Variants in GRIK1 observed in about 807,000 individuals in gnomAD.
The protein encoded by GRIK1 is glutamate ionotropic receptor kainate type subunit 1.
A neutral mutation model predicts 105.7 loss-of-function variants in GRIK1; 69 were observed. The observed-to-expected ratio is 0.65, with a 90% CI of 0.54 to 0.80. The LOEUF is 0.80. Among genes scored for constraint, GRIK1 ranks in the 30% least tolerant of loss-of-function variants. The pLI is 0.00. For missense variants in GRIK1, 1,109 were observed against 1,167.3 expected, an observed-to-expected ratio of 0.95 and a Z score of 0.73; for synonymous variants, 438 against 431.3, an observed-to-expected ratio of 1.02 and a Z score of -0.19.
intron 1 of GRIK1, among the ~76,000 whole-genome samples, chr21:29,933,824 C>T (rs766334293): frequency 3.3e-5 from 5 of 152,136 alleles, no homozygotes; most frequent in Non-Finnish European, 7.4e-5. Context: ...TATGAATCCC[C>T]TTCTCCCTGA....
At chr21:29,880,299 A>T (rs1246585247) in intron 1 of GRIK1, among the ~76,000 whole-genome samples, 4 of 152,100 alleles carry the variant, frequency 2.6e-5, no homozygotes, top group Non-Finnish European at 5.9e-5. Flanking sequence ...AACTCATTTC[A>T]TGTTTCTTTG....
At chr21:29,847,542 C>G (rs1392008517) in intron 1 of GRIK1, among the ~76,000 whole-genome samples, 4 of 152,132 alleles carry the variant, frequency 2.6e-5, no homozygotes, top group Non-Finnish European at 5.9e-5. Flanking sequence ...TGCAGTGAGC[C>G]AAGATTGGGC....
intron 1 of GRIK1, among the ~76,000 whole-genome samples, chr21:29,911,479 G>A (rs757966695): frequency 3.9e-5 from 6 of 152,062 alleles, no homozygotes; most frequent in Non-Finnish European, 8.8e-5. Context: ...ATGTTATTGA[G>A]ATAATTGAGG....
Position 29,587,286 on chromosome 21 carries a change from A to G in GRIK1, c.1793+80T>C, listed in dbSNP as rs1044194496. The G allele has an allele frequency of 1.1e-5, 9 of 817,210 alleles. No individual in the cohort carries two copies. The African/African-American group carries it at 1.5e-4, about 14-fold the overall frequency. 50.6% of individuals were successfully genotyped at this position (817,210 alleles called of 1,614,324 possible). On this transcript the variant is annotated intron_variant, in intron 12 of 17. Transcript: ENST00000327783. ...ACTAAAAGTACACTTTAAAGTTCCT[A>G]ATTTTTGTCTGCCTCTGGGACATAC...
intron 13 of GRIK1, among the ~76,000 whole-genome samples, chr21:29,579,963 G>GTA (rs1386008921): frequency 0.017 from 2,055 of 122,724 alleles, 28 homozygotes; most frequent in East Asian, 0.049. Flanking sequence ...ATATGTGTGT[G>GTA]TGTATATATA....
intron 1 of GRIK1, among the ~76,000 whole-genome samples, chr21:29,761,910 C>A (rs2065534811): frequency 6.6e-6 from 1 of 152,158 alleles, no homozygotes; most frequent in African/African-American, 2.4e-5. Context: ...CCATGCCTGG[C>A]TAATTTTTTG....
At chr21:29,850,120 CATG>C (rs1427660813) in intron 1 of GRIK1, among the ~76,000 whole-genome samples, 1 of 152,184 alleles carries the variant, frequency 6.6e-6, no homozygotes, top group Admixed American at 6.6e-5. Flanking sequence ...TCAGAAGGAT[CATG>C]ATATCTTCCT....
At chr21:29,831,500 G>T (rs1454166901) in intron 1 of GRIK1, among the ~76,000 whole-genome samples, 1 of 152,188 alleles carries the variant, frequency 6.6e-6, no homozygotes, top group African/African-American at 2.4e-5. Flanking sequence ...AGAAAGCATG[G>T]CTGGGGAAGC....
intron 1 of GRIK1, among the ~76,000 whole-genome samples, chr21:29,868,216 C>G (rs1291858241): frequency 1.3e-5 from 2 of 152,172 alleles, no homozygotes; most frequent in Non-Finnish European, 2.9e-5. Flanking sequence ...CAGTGAACAT[C>G]GATGTTTTCC....
intron 5 of GRIK1, among the ~76,000 whole-genome samples, chr21:29,652,173 T>C (rs1410262484): frequency 6.6e-6 from 1 of 152,190 alleles, no homozygotes; most frequent in Non-Finnish European, 1.5e-5. Flanking sequence ...ATTTTACAGA[T>C]GAAGAAACTG....
chr21:29,873,542 C>T (rs1407645058), intron 1 of GRIK1, among the ~76,000 whole-genome samples: 1 of 152,174 alleles, frequency 6.6e-6, no homozygotes, highest in South Asian at 2.1e-4. Context: ...CTCTTGGTTT[C>T]CGGCACAAAG....
At chr21:29,670,529 G>A (rs182549821) in intron 4 of GRIK1, among the ~76,000 whole-genome samples, 6 of 152,188 alleles carry the variant, frequency 3.9e-5, no homozygotes, top group Admixed American at 1.3e-4. Context: ...GCCCTTCCCT[G>A]CCGCCACCAT....
chr21:29,936,036 C>T (rs916265617), intron 1 of GRIK1, among the ~76,000 whole-genome samples: 3 of 152,174 alleles, frequency 2.0e-5, no homozygotes, highest in African/African-American at 4.8e-5. Flanking sequence ...GTGAGGTTTG[C>T]AATAGTTTTA....
At chr21:29,908,578 A>C (rs1353533217) in intron 1 of GRIK1, among the ~76,000 whole-genome samples, 1 of 152,152 alleles carries the variant, frequency 6.6e-6, no homozygotes, top group Admixed American at 6.6e-5. Context: ...TCCAACATAC[A>C]TTTTCAAAAT....
At chr21:29,694,743 G>C (rs767129070) in intron 1 of GRIK1, among the ~76,000 whole-genome samples, 23 of 152,256 alleles carry the variant, frequency 1.5e-4, no homozygotes, top group South Asian at 4.2e-4. Context: ...ATCCTTGTAG[G>C]ACCATTCTTC....
At chr21:29,691,863 G>T (rs946916119) in intron 2 of GRIK1, among the ~76,000 whole-genome samples, 3 of 152,288 alleles carry the variant, frequency 2.0e-5, no homozygotes, top group Admixed American at 6.5e-5. Flanking sequence ...AAAACTTTCT[G>T]CTACTCTGCT....
intron 1 of GRIK1, among the ~76,000 whole-genome samples, chr21:29,918,603 A>T (rs1001535609): frequency 2.6e-5 from 4 of 152,140 alleles, no homozygotes; most frequent in Non-Finnish European, 4.4e-5. Flanking sequence ...TTCATAGCAC[A>T]TAATAATGTG....
At chr21:29,733,292 A>C (rs960304449) in intron 1 of GRIK1, among the ~76,000 whole-genome samples, 1 of 152,186 alleles carries the variant, frequency 6.6e-6, no homozygotes, top group African/African-American at 2.4e-5. Flanking sequence ...TATAAATTTT[A>C]CTGATATTAG....
At chr21:29,735,767 T>G (rs2064773989) in intron 1 of GRIK1, among the ~76,000 whole-genome samples, 1 of 150,022 alleles carries the variant, frequency 6.7e-6, no homozygotes, top group Non-Finnish European at 1.5e-5. Context: ...CATGGTAGCA[T>G]GCACCTGTAG....
Sources: gnomAD v4.1 joint callset for allele counts (sites outside exome capture counted in the v4.1 genomes callset) on GRCh38, gnomAD v4.1.1 for gene constraint, MANE v1.5 for transcripts, NCBI Gene and HGNC (gene_info 2026-07-23, HGNC 2026-07-21) for gene names.